PDE7B: variants seen among roughly 807,000 people sequenced by gnomAD.
PDE7B encodes 3',5'-cyclic-AMP phosphodiesterase 7B.
Under a neutral mutation model 56.2 loss-of-function variants are expected in PDE7B, and 29 were observed. The ratio of observed to expected loss-of-function variants is 0.52; its 90% CI spans 0.38 to 0.70. The LOEUF (loss-of-function observed/expected upper bound fraction) is 0.70. PDE7B is among the 30% of genes least tolerant of loss of function. PDE7B has a pLI of 0.00. For synonymous variants in PDE7B, 197 were observed against 196.9 expected, an observed-to-expected ratio of 1.00 and a Z score of 0.00; for missense variants, 490 against 565.0, an observed-to-expected ratio of 0.87 and a Z score of 1.35.
intron 8 of PDE7B, among the ~76,000 whole-genome samples, chr6:136,160,877 CA>C (rs1778692194): frequency 6.6e-6 from 1 of 152,020 alleles, no homozygotes; most frequent in South Asian, 2.1e-4. Flanking sequence ...ATGCTAGGTG[CA>C]GGAGTATAGA....
chr6:136,176,914 A>G (rs1365849446), intron 9 of PDE7B, among the ~76,000 whole-genome samples: 1 of 152,102 alleles, frequency 6.6e-6, no homozygotes, highest in African/African-American at 2.4e-5. Flanking sequence ...TGCTATACTA[A>G]GAATATTTAA....
At chr6:136,129,758 C>G (rs1161619946) in intron 3 of PDE7B, among the ~76,000 whole-genome samples, 1 of 152,176 alleles carries the variant, frequency 6.6e-6, no homozygotes, top group Admixed American at 6.6e-5. Context: ...AAGTACTCAG[C>G]TAAATTTATT....
At chr6:135,885,333 T>G (rs888412213) in intron 1 of PDE7B, among the ~76,000 whole-genome samples, 31 of 151,324 alleles carry the variant, frequency 2.0e-4, no homozygotes, top group African/African-American at 6.8e-4. Flanking sequence ...TTGTTGTTTT[T>G]TTTTTTTTTT....
At chr6:136,166,365 G>C (rs748420888) in intron 8 of PDE7B, 4 of 152,178 alleles carry the variant, frequency 2.6e-5, no homozygotes, top group African/African-American at 4.8e-5. Context: ...TTGTATATTA[G>C]TTCCTTCTCA....
intron 2 of PDE7B, among the ~76,000 whole-genome samples, chr6:136,087,730 T>C (rs1021953598): frequency 2.6e-5 from 4 of 152,214 alleles, no homozygotes; most frequent in African/African-American, 9.6e-5. Flanking sequence ...ATACACCTCA[T>C]ATCTACATAT....
At chr6:136,185,037 C>T (rs146841853) in intron 11 of PDE7B, among the ~76,000 whole-genome samples, 6 of 152,218 alleles carry the variant, frequency 3.9e-5, no homozygotes, top group East Asian at 1.9e-4. Flanking sequence ...AACAGAATTA[C>T]GGAGGTGAGG....
At chr6:136,028,930 CATCTG>C (rs1266939354) in intron 2 of PDE7B, among the ~76,000 whole-genome samples, 1 of 152,150 alleles carries the variant, frequency 6.6e-6, no homozygotes, top group Non-Finnish European at 1.5e-5. Context: ...ATGTCAGATG[CATCTG>C]ACATGTTTGT....
intron 2 of PDE7B, among the ~76,000 whole-genome samples, chr6:136,087,790 T>C (rs1026254546): frequency 1.3e-5 from 2 of 152,222 alleles, no homozygotes; most frequent in Non-Finnish European, 2.9e-5. Flanking sequence ...TTGAGGGCAG[T>C]GTTGTTCTCG....
intron 2 of PDE7B, among the ~76,000 whole-genome samples, chr6:135,955,041 G>C (rs1281945026): frequency 6.6e-6 from 1 of 152,094 alleles, no homozygotes; most frequent in Non-Finnish European, 1.5e-5. Context: ...TTCATTTTCT[G>C]TCTAAAGCTA....
intron 9 of PDE7B, among the ~76,000 whole-genome samples, chr6:136,178,675 A>G (rs1779017727): frequency 6.6e-6 from 1 of 152,194 alleles, no homozygotes; most frequent in African/African-American, 2.4e-5. Flanking sequence ...TCATGATTCT[A>G]CAAGTCTTTT....
At chr6:135,909,208 T>C (rs1583760510) in intron 1 of PDE7B, among the ~76,000 whole-genome samples, 1 of 152,180 alleles carries the variant, frequency 6.6e-6, no homozygotes. Context: ...TTCCTCTGGA[T>C]AGATGAAGAG....
chr6:136,121,936 C>T (rs1777941135), intron 3 of PDE7B, among the ~76,000 whole-genome samples: 2 of 152,050 alleles, frequency 1.3e-5, no homozygotes, highest in Admixed American at 6.6e-5. Flanking sequence ...AGGCTGAAAC[C>T]CTTACTAAAT....
chr6:136,032,918 G>A (rs1776265858), intron 2 of PDE7B, among the ~76,000 whole-genome samples: 1 of 152,172 alleles, frequency 6.6e-6, no homozygotes, highest in Non-Finnish European at 1.5e-5. Flanking sequence ...AAGCTCAGTG[G>A]TGAGTATAGA....
At chr6:136,077,800 T>A (rs1255182357) in intron 2 of PDE7B, among the ~76,000 whole-genome samples, 1 of 152,220 alleles carries the variant, frequency 6.6e-6, no homozygotes, top group African/African-American at 2.4e-5. Flanking sequence ...TATGACATAG[T>A]TTCTTTTGTT....
chr6:135,859,059 GAAAA>G (rs545178102), intron 1 of PDE7B, among the ~76,000 whole-genome samples: 2,926 of 124,810 alleles, frequency 0.023, 28 homozygotes, highest in African/African-American at 0.038. Flanking sequence ...TTCCAGGAGA[GAAAA>G]AAAAAAAAAA....
intron 2 of PDE7B, among the ~76,000 whole-genome samples, chr6:135,984,742 A>G (rs1050294969): frequency 1.3e-5 from 2 of 152,132 alleles, no homozygotes; most frequent in African/African-American, 4.8e-5. Context: ...GTGATGATAA[A>G]ACTTCCTTAC....
chr6:136,138,315 T>C (rs1448517439), intron 3 of PDE7B, among the ~76,000 whole-genome samples: 1 of 152,152 alleles, frequency 6.6e-6, no homozygotes, highest in Non-Finnish European at 1.5e-5. Context: ...TCTTTATCAA[T>C]AATTGATTAA....
intron 1 of PDE7B, among the ~76,000 whole-genome samples, chr6:135,883,719 TAAAG>T (rs947235317): frequency 6.6e-6 from 1 of 152,206 alleles, no homozygotes; most frequent in African/African-American, 2.4e-5. Flanking sequence ...TGGGTCAAAA[TAAAG>T]AGAGACCTCA....
intron 2 of PDE7B, among the ~76,000 whole-genome samples, chr6:136,080,814 C>T (rs1777194613): frequency 6.6e-6 from 1 of 152,140 alleles, no homozygotes; most frequent in Non-Finnish European, 1.5e-5. Flanking sequence ...CCTTAAGGAG[C>T]TCTAAGGAAA....
Sources: allele counts gnomAD v4.1 joint callset (sites outside exome capture counted in the v4.1 genomes callset), GRCh38; gene constraint gnomAD v4.1.1; transcripts MANE v1.5; gene names NCBI Gene and HGNC (gene_info 2026-07-23, HGNC 2026-07-21).